EML6: variants seen among roughly 807,000 people sequenced by gnomAD.
EML6 encodes EMAP like 6.
In EML6, 154 loss-of-function variants were observed where a neutral mutation model predicts 240.1. The ratio of observed to expected loss-of-function variants is 0.64; its 90% confidence interval spans 0.56 to 0.73. The LOEUF (loss-of-function observed/expected upper bound fraction) is 0.73. EML6 is among the 30% of genes least tolerant of loss of function. EML6 has a pLI of 0.00. For missense variants in EML6, 2,964 were observed against 2,474.6 expected (o/e 1.20, Z -4.20); for synonymous variants, 1,148 against 899.0 (o/e 1.28, Z -4.95).
chr2:54,955,982 T>C (rs188231731), intron 32 of EML6, among the ~76,000 whole-genome samples: 201 of 152,182 alleles, frequency 1.3e-3, no homozygotes, highest in Admixed American at 2.2e-3. Context: ...GAGCCTATTA[T>C]TCATTCTTCA....
chr2:54,884,969 T>C (rs1395229918), intron 17 of EML6, among the ~76,000 whole-genome samples: 1 of 151,172 alleles, frequency 6.6e-6, no homozygotes, highest in Non-Finnish European at 1.5e-5. Context: ...AGGTCAGGAG[T>C]TGCAGATCAG....
At chr2:54,901,321 TG>T (rs1299839574) in intron 22 of EML6, among the ~76,000 whole-genome samples, 1 of 152,218 alleles carries the variant, frequency 6.6e-6, no homozygotes, top group African/African-American at 2.4e-5. Flanking sequence ...ACTAGGCTCC[TG>T]GGGATTGGTA....
intron 31 of EML6, among the ~76,000 whole-genome samples, chr2:54,953,085 T>A (rs1298832410): frequency 1.3e-5 from 2 of 152,226 alleles, no homozygotes. Context: ...AAATGTGAAC[T>A]GATTCACATT....
Position 54,813,217 on chromosome 2 carries a change from C to G in EML6, c.198-15C>G, listed in dbSNP as rs1449651318. 1.3e-6 allele frequency: 2 copies of G among 1,528,812 alleles called. No individual in the cohort carries two copies. The highest frequency in any genetic ancestry group is 2.5e-5 in the East Asian group (1 of 40,626). 94.7% of individuals were successfully genotyped at this position (1,528,812 alleles called of 1,614,324 possible). A position where few individuals can be genotyped will look rare whatever the true frequency, so the allele number is the denominator to read the frequency against. ...TTCAGTTGGAAGATGTGAAAAGAAA[C>G]CTTTTCTCTTTCAGCCTTGCCTTAC... On this transcript the variant is annotated splice_polypyrimidine_tract_variant and intron_variant, in intron 2 of 41. Coordinates refer to ENST00000356458, the MANE Select transcript of EML6 (RefSeq NM_001039753.4).
At chr2:54,888,258 A>G (rs891752411) in intron 17 of EML6, among the ~76,000 whole-genome samples, 1 of 152,214 alleles carries the variant, frequency 6.6e-6, no homozygotes, top group African/African-American at 2.4e-5. Flanking sequence ...GGATCATGCC[A>G]TGAGGTGTGT....
chr2:54,941,378 A>G (rs1438346740), intron 28 of EML6, among the ~76,000 whole-genome samples: 1 of 152,180 alleles, frequency 6.6e-6, no homozygotes, highest in Non-Finnish European at 1.5e-5. Flanking sequence ...CTGAGGCATG[A>G]TGAGCATGGT....
chr2:54,858,186 C>T (rs1330382168), intron 11 of EML6, among the ~76,000 whole-genome samples: 1 of 152,184 alleles, frequency 6.6e-6, no homozygotes, highest in Non-Finnish European at 1.5e-5. Flanking sequence ...GCCTCAGTTC[C>T]TGCTGTGTGA....
At chr2:54,806,168 A>G (rs567790035) in intron 2 of EML6, among the ~76,000 whole-genome samples, 2 of 152,142 alleles carry the variant, frequency 1.3e-5, no homozygotes, top group Admixed American at 6.5e-5. Flanking sequence ...TATATTTTAG[A>G]TCTTTTCTCC....
chr2:54,871,099 A>G (rs1258240907), intron 15 of EML6, among the ~76,000 whole-genome samples: 1 of 152,170 alleles, frequency 6.6e-6, no homozygotes, highest in Admixed American at 6.5e-5. Context: ...AGCGTAACTG[A>G]GAATGGGTAA....
Position 54,805,754 on chromosome 2 carries a change from T to A in EML6, c.198-7478T>A, listed in dbSNP as rs576539878. On this transcript the variant is annotated intron_variant, in intron 2 of 41. Coordinates refer to ENST00000356458, the MANE Select transcript of EML6 (RefSeq NM_001039753.4). ...CTAAGAGACCATTATCTTTCAGAGG[T>A]CACAAAGATTTTCTTATATTTTTTT... Among the ~76,000 whole-genome samples the A allele has an allele frequency of 1.0e-3, 155 of 152,286 alleles. 1 individual carries two copies. The highest frequency in any genetic ancestry group is 3.6e-3 in the African/African-American group (148 of 41,570).
chr2:54,733,207 TA>T (rs1408456225), intron 2 of EML6, among the ~76,000 whole-genome samples: 1 of 152,220 alleles, frequency 6.6e-6, no homozygotes, highest in Non-Finnish European at 1.5e-5. Context: ...GGTAATACCT[TA>T]ATAGGCTGGT....
In EML6 at chr2:54,968,807, T is replaced by C. The variant is rs558989052; in HGVS notation, c.5852+39T>C. The stretch of plus-strand genomic sequence containing the variant: ...TGACCCAGTTCTTACTCCACAGGCC[T>C]GGCCAGCTCTCCCTCCCCATCTCAG... On this transcript the variant is annotated intron_variant, in intron 41 of 41. Transcript: ENST00000356458. 1.3e-4 allele frequency: 151 copies of C among 1,142,968 alleles called. No homozygotes were observed. The African/African-American group carries it at 2.1e-3, about 16-fold the overall frequency. 70.8% of individuals were successfully genotyped at this position (1,142,968 alleles called of 1,614,324 possible). A position where few individuals can be genotyped will look rare whatever the true frequency, so the allele number is the denominator to read the frequency against.
intron 2 of EML6, among the ~76,000 whole-genome samples, chr2:54,802,855 C>G (rs1320235400): frequency 6.6e-6 from 1 of 152,128 alleles, no homozygotes; most frequent in Non-Finnish European, 1.5e-5. Flanking sequence ...CACACTCTTA[C>G]ACATGGAATC....
intron 2 of EML6, among the ~76,000 whole-genome samples, chr2:54,768,327 T>A (rs13422751): frequency 0.1 from 15,594 of 152,120 alleles, 949 homozygotes; most frequent in East Asian, 0.21. Context: ...TGTTTTGGCA[T>A]CTTATTGCTA....
chr2:54,785,300 C>G (rs558238503), intron 2 of EML6, among the ~76,000 whole-genome samples: 6 of 151,754 alleles, frequency 4.0e-5, no homozygotes, highest in Non-Finnish European at 8.8e-5. Flanking sequence ...CTCAGCCTCT[C>G]GAGCAGCTGG....
At chr2:54,813,496 T>A in intron 3 of EML6, 105 bp downstream of exon 3, 1 of 977,948 alleles carries the variant, frequency 1.0e-6, no homozygotes, top group Non-Finnish European at 1.5e-6. Context: ...CCTTGCTGGT[T>A]CTTCTGGCAC....
At chr2:54,838,476 A>G (rs1302540667) in intron 7 of EML6, among the ~76,000 whole-genome samples, 1 of 152,236 alleles carries the variant, frequency 6.6e-6, no homozygotes, top group East Asian at 1.9e-4. Flanking sequence ...CGGCTGGTAT[A>G]TAAATCCAGT....
intron 16 of EML6, 118 bp from the exon 17 acceptor site, chr2:54,879,429 T>C: frequency 1.5e-6 from 1 of 677,360 alleles, no homozygotes; most frequent in Non-Finnish European, 2.6e-6. Context: ...AGCTATCACA[T>C]CCATCACCTC....
chr2:54,878,594 A>G (rs1465197059), intron 16 of EML6, among the ~76,000 whole-genome samples: 2 of 152,254 alleles, frequency 1.3e-5, no homozygotes, highest in East Asian at 1.9e-4. Flanking sequence ...AATTTTTGGG[A>G]AAATAACCTA....
Sources: gnomAD v4.1 joint callset for allele counts (sites outside exome capture counted in the v4.1 genomes callset) on GRCh38, gnomAD v4.1.1 for gene constraint, MANE v1.5 for transcripts, NCBI Gene and HGNC (gene_info 2026-07-23, HGNC 2026-07-21) for gene names.